The following NUDT5 variants were observed in gnomAD, a reference collection of about 807,000 sequenced individuals.
The protein encoded by NUDT5 is ADP-sugar pyrophosphatase.
A neutral mutation model predicts 34.1 loss-of-function variants in NUDT5; 21 were observed. The ratio of observed to expected loss-of-function variants is 0.62; its 90% CI spans 0.44 to 0.89. The LOEUF is 0.89. Ranked by LOEUF, NUDT5 falls within the 40% of genes least tolerant of loss-of-function variation. The pLI, the probability that NUDT5 is intolerant of heterozygous loss-of-function variation, is 0.00. For missense variants in NUDT5, 249 were observed against 274.8 expected (o/e 0.91, Z 0.66); for synonymous variants, 85 against 97.6 (o/e 0.87, Z 0.76).
At chr10:12,184,490 G>C (rs1265940119) in intron 3 of NUDT5, 1 of 1,551,750 alleles carries the variant, frequency 6.4e-7, no homozygotes, top group Non-Finnish European at 8.7e-7. Context: ...AGGCAGGCAC[G>C]TACCTCAAAA....
chr10:12,184,164 G>A (rs540351137), intron 3 of NUDT5, among the ~76,000 whole-genome samples: 1 of 152,116 alleles, frequency 6.6e-6, no homozygotes, highest in Non-Finnish European at 1.5e-5. Context: ...CAATTCTCCT[G>A]CCTCAGCCTC....
chr10:12,187,149 C>T lies in NUDT5; in HGVS notation c.-41-817G>A, dbSNP rs1203640615. On this transcript the variant is annotated intron_variant, in intron 1 of 9. Transcript: ENST00000491614. The surrounding 1 kb of genome is among the most constrained non-coding windows in gnomAD (Gnocchi z 5.4). ...CCAAGCTCACGTGCTCCTCGCATCT[C>T]AGCCTCCTGAGTAGCTGGGATTACA... 6.6e-6 allele frequency among the ~76,000 whole-genome samples: 1 copy of T among 152,214 alleles called. No individual in the cohort carries two copies. The highest frequency in any genetic ancestry group is 1.5e-5 in the Non-Finnish European group (1 of 68,028).
chr10:12,167,805 A>G lies in NUDT5; in HGVS notation c.557T>C (p.Val186Ala). The G allele has an allele frequency of 6.2e-7, 1 of 1,614,024 alleles. No homozygotes were observed. Among genetic ancestry groups the G allele is most frequent in the South Asian group, 1.1e-5 (1 of 91,034 alleles). Reference protein sequence around the residue: ...NDLLQRLDALVAEEHLTVDAR... With the variant: ...NDLLQRLDALAAEEHLTVDAR... Reference sequence around the variant, plus strand: ...GTCCACTGTGAGATGTTCTTCAGCTACCAGAGCTGTGGAAAGCAAAGAAAA... The same window carrying G: ...GTCCACTGTGAGATGTTCTTCAGCTGCCAGAGCTGTGGAAAGCAAAGAAAA... Residue 186 changes from valine to alanine, a missense_variant, in exon 10 of 10, where the codon GTA (valine) becomes GCA (alanine). Coordinates refer to ENST00000491614, the MANE Select transcript of NUDT5 (RefSeq NM_014142.4).
At chr10:12,180,589 C>T (rs1022436807) in intron 3 of NUDT5, 6 of 152,310 alleles carry the variant, frequency 3.9e-5, no homozygotes, top group East Asian at 3.9e-4. Flanking sequence ...AAAACAGAAA[C>T]GCATTGATAA....
At chr10:12,186,618 C>CTTT (rs201888699) in intron 1 of NUDT5, among the ~76,000 whole-genome samples, 1 of 120,330 alleles carries the variant, frequency 8.3e-6, no homozygotes. Context: ...TCAGATTTTT[C>CTTT]TTTTTTTTTT....
rs2131696617 is a variant in NUDT5 at position 12,169,313 on chromosome 10, A to C, written c.550+1404T>G. 4 of 1,554,930 alleles carry C rather than the reference A, an allele frequency of 2.6e-6. No homozygotes were observed. The highest frequency in any genetic ancestry group is 3.5e-6 in the Non-Finnish European group (4 of 1,147,796). On this transcript the variant is annotated intron_variant, in intron 9 of 9. Transcript: ENST00000491614. This position sits in a 1 kb window ranked among gnomAD's most constrained non-coding sequence, Gnocchi z 4.8. ...AGAAGGAAGACATTTTACAAAAAGGATACTCTTCTACTAAAAGATAACCCC... is the reference window on the plus strand; with the variant it reads ...AGAAGGAAGACATTTTACAAAAAGGCTACTCTTCTACTAAAAGATAACCCC...
chr10:12,174,860 G>A (rs534443188), intron 5 of NUDT5, among the ~76,000 whole-genome samples: 17 of 152,236 alleles, frequency 1.1e-4, no homozygotes, highest in African/African-American at 3.6e-4. Context: ...CACCTGTCTT[G>A]TCTTCCTCCC....
chr10:12,168,036 T>C lies in NUDT5; in HGVS notation c.551-225A>G. 1.1e-6 allele frequency: 1 copy of C among 870,856 alleles called. No homozygotes were observed. Among genetic ancestry groups the C allele is most frequent in the Non-Finnish European group, 1.6e-6 (1 of 640,472 alleles). The allele number at this position is 870,856 out of a possible 1,614,324, so 53.9% of individuals were successfully genotyped here. A position where few individuals can be genotyped will look rare whatever the true frequency, so the allele number is the denominator to read the frequency against. On this transcript the variant is annotated intron_variant, in intron 9 of 9. Transcript: ENST00000491614. The surrounding 1 kb of genome is among the most constrained non-coding windows in gnomAD (Gnocchi z 4.8). ...AACATCAGGGATAATGATTTTTTTTTTTTTTGGTGAGACAGTCTCGCTCTG... is the reference window on the plus strand; with the variant it reads ...AACATCAGGGATAATGATTTTTTTTCTTTTTGGTGAGACAGTCTCGCTCTG...
At chr10:12,184,555 A>T in intron 3 of NUDT5, 1 of 1,515,172 alleles carries the variant, frequency 6.6e-7, no homozygotes, top group South Asian at 1.2e-5. Context: ...TTAAAAACAG[A>T]TTTTACTAGA....
chr10:12,188,278 C>T (rs376438724), intron 1 of NUDT5, among the ~76,000 whole-genome samples: 62 of 152,260 alleles, frequency 4.1e-4, no homozygotes, highest in African/African-American at 1.5e-3. Context: ...TCAATTTGTC[C>T]CCAAGACAGC....
At chr10:12,174,187 C>T (rs1480536205) in intron 5 of NUDT5, among the ~76,000 whole-genome samples, 1 of 150,566 alleles carries the variant, frequency 6.6e-6, no homozygotes, top group African/African-American at 2.4e-5. Context: ...TCTTGTAACA[C>T]ACCTGCTGCT....
intron 1 of NUDT5, among the ~76,000 whole-genome samples, chr10:12,191,510 G>C (rs961454688): frequency 6.6e-6 from 1 of 152,192 alleles, no homozygotes; most frequent in Admixed American, 6.5e-5. Context: ...AGATTTGGCT[G>C]GATCTCTGCC....
intron 5 of NUDT5, among the ~76,000 whole-genome samples, chr10:12,176,972 A>G (rs1055737003): frequency 6.6e-6 from 1 of 151,978 alleles, no homozygotes; most frequent in African/African-American, 2.4e-5. Context: ...AAATACAAAT[A>G]TTAGCCACGT....
rs7079257 is a variant in NUDT5 at position 12,175,307 on chromosome 10, T to C, written c.290-1494A>G. 0.99 allele frequency among the ~76,000 whole-genome samples: 150,856 copies of C among 152,154 alleles called. 74,805 individuals carry two copies. Among genetic ancestry groups the C allele is most frequent in the Middle Eastern group, 1 (294 of 294 alleles). ...TGCACTCTAGCTTGGGCAACAAAAG[T>C]GAAACTGCATCTCAAAAAATAAATA... On this transcript the variant is annotated intron_variant, in intron 5 of 9. Transcript: ENST00000491614. This position sits in a 1 kb window ranked among gnomAD's most constrained non-coding sequence, Gnocchi z 4.8.
chr10:12,179,813 T>C (rs1835016079), intron 3 of NUDT5, among the ~76,000 whole-genome samples: 1 of 152,230 alleles, frequency 6.6e-6, no homozygotes, highest in African/African-American at 2.4e-5. Flanking sequence ...TGTGCTATTC[T>C]ACTTTCTGGC....
intron 1 of NUDT5, among the ~76,000 whole-genome samples, chr10:12,186,828 C>T (rs193253139): frequency 2.0e-5 from 3 of 151,862 alleles, no homozygotes; most frequent in East Asian, 1.9e-4. Flanking sequence ...GGTTTCACCA[C>T]GTTGGCCATG....
chr10:12,167,619 C>A lies in NUDT5; in HGVS notation c.*83G>T. ...TACGAAAAAGCTAATGGCAAATCTA[C>A]ATTAAACTAAGTTGAATACAAAGTC... On this transcript the variant is annotated 3_prime_UTR_variant, in exon 10 of 10. Coordinates refer to ENST00000491614, the MANE Select transcript of NUDT5 (RefSeq NM_014142.4). The A allele has an allele frequency of 7.5e-7, 1 of 1,335,004 alleles. No homozygotes were observed. The highest frequency in any genetic ancestry group is 1.1e-6 in the Non-Finnish European group (1 of 943,236). 82.7% of individuals were successfully genotyped at this position (1,335,004 alleles called of 1,614,324 possible).
rs1206402686 is a variant in NUDT5 at position 12,169,556 on chromosome 10, C to T, written c.550+1161G>A. 3.8e-5 allele frequency: 17 copies of T among 447,108 alleles called. 1 individual carries two copies. In the South Asian group the frequency reaches 3.9e-4, roughly 10 times the overall value. The allele number at this position is 447,108 out of a possible 1,614,324, so 27.7% of individuals were successfully genotyped here. ...TGATTGTCATGCCTTTCTCCAAATA[C>T]GCACCAGATAAACTATTGTATCTAT... On this transcript the variant is annotated intron_variant, in intron 9 of 9. Transcript: ENST00000491614. The surrounding 1 kb of genome is among the most constrained non-coding windows in gnomAD (Gnocchi z 4.8).
rs571103641 is a variant in NUDT5, at chr10:12,168,162, C to T, written c.551-351G>A. 1.1e-4 allele frequency among the ~76,000 whole-genome samples: 16 copies of T among 152,052 alleles called. No individual in the cohort carries two copies. Among genetic ancestry groups the T allele is most frequent in the African/African-American group, 2.4e-4 (10 of 41,496 alleles). The stretch of plus-strand genomic sequence containing the variant: ...GCCTCAGCCTCCCCAGTAGCTGGGA[C>T]TATAGGCGCACGCCACCACGCCCAG... On this transcript the variant is annotated intron_variant, in intron 9 of 9. Coordinates refer to ENST00000491614, the MANE Select transcript of NUDT5 (RefSeq NM_014142.4). The surrounding 1 kb of genome is among the most constrained non-coding windows in gnomAD (Gnocchi z 4.8).
Sources: gnomAD v4.1 joint callset for allele counts (sites outside exome capture counted in the v4.1 genomes callset) on GRCh38, gnomAD v4.1.1 for gene constraint, Gnocchi (gnomAD v3.1) non-coding constraint, MANE v1.5 for transcripts, NCBI Gene and HGNC (gene_info 2026-07-23, HGNC 2026-07-21) for gene names.